Variants in STON2 observed in about 807,000 individuals in gnomAD.
STON2 encodes the protein stonin-2.
In STON2, 29 loss-of-function variants were observed where a neutral mutation model predicts 65.7. That is an observed-to-expected ratio of 0.44 (90% confidence interval 0.33 to 0.60). The LOEUF (loss-of-function observed/expected upper bound fraction) is 0.60. Among genes scored for constraint, STON2 ranks in the 20% least tolerant of loss-of-function variants. STON2 has a pLI of 0.03. For missense variants in STON2, 1,054 were observed against 1,118.1 expected (o/e 0.94, Z 0.82); for synonymous variants, 404 against 414.2 (o/e 0.98, Z 0.30).
At chr14:81,340,460 C>CTA (rs1255308920) in intron 4 of STON2, among the ~76,000 whole-genome samples, 1 of 152,162 alleles carries the variant, frequency 6.6e-6, no homozygotes, top group Non-Finnish European at 1.5e-5. Context: ...CACAATGGCT[C>CTA]TATAGATCTT....
intron 5 of STON2, among the ~76,000 whole-genome samples, chr14:81,315,491 C>T (rs1957548): frequency 0.79 from 119,793 of 152,214 alleles, 47,293 homozygotes; most frequent in African/African-American, 0.8. Flanking sequence ...GTCGCCTGCA[C>T]GCAGGCATTT....
intron 4 of STON2, among the ~76,000 whole-genome samples, chr14:81,335,009 T>G (rs957714014): frequency 1.2e-5 from 1 of 80,142 alleles, no homozygotes; most frequent in African/African-American, 4.4e-5. Flanking sequence ...GGCTAATTTT[T>G]TTTTTGTATT....
At position 81,277,006 on chromosome 14, in the gene STON2, A is replaced by G; in HGVS notation, c.2476T>C (p.Ser826Pro). 6.2e-7 allele frequency: 1 copy of G among 1,614,244 alleles called. No homozygotes were observed. Among genetic ancestry groups the G allele is most frequent in the Non-Finnish European group, 8.5e-7 (1 of 1,180,038 alleles). Residue 826 changes from serine (S) to proline (P), a missense_variant, in exon 6 of 8, where the codon TCT (serine) becomes CCT (proline). Physicochemically the swap from Ser to Pro is moderately conservative, Grantham distance 74. Coordinates refer to ENST00000614646, the MANE Select transcript of STON2 (RefSeq NM_001394390.1). ...RGASFGSTSV[S>P]GSEPVMRVTL... is the part of the protein sequence containing the mutation. ...ACTCTCATGACAGGCTCAGAGCCAG[A>G]AACACTAGTGGAGCCAAAACTTGCC...
chr14:81,277,195 A>T lies in STON2; in HGVS notation c.2287T>A (p.Trp763Arg), dbSNP rs777468681. Residue 763 changes from tryptophan (W) to arginine (R), a missense_variant, in exon 6 of 8, where the codon TGG becomes AGG. Coordinates refer to ENST00000614646, the MANE Select transcript of STON2 (RefSeq NM_001394390.1). ...GAGAAGCCAGTTGACATCCTCAGCC[A>T]GCTCTGCACCTCCACCTCTGCCCCA... Reference protein sequence around the residue: ...VNGAEVEVQSWLRMSTGFSAN... With the variant: ...VNGAEVEVQSRLRMSTGFSAN... The T allele has an allele frequency of 5.6e-6, 9 of 1,614,240 alleles. No individual in the cohort carries two copies. Among genetic ancestry groups the T allele is most frequent in the Middle Eastern group, 3.3e-4 (2 of 6,062 alleles).
chr14:81,328,292 G>T (rs766693441), intron 4 of STON2, among the ~76,000 whole-genome samples: 1 of 152,058 alleles, frequency 6.6e-6, no homozygotes, highest in Admixed American at 6.5e-5. Flanking sequence ...GTAAATAGAA[G>T]TCTATTAATT....
rs117179744 is a variant in STON2, at chr14:81,310,881, T to C, written c.742+13136A>G. On this transcript the variant is annotated intron_variant, in intron 5 of 7. Coordinates refer to ENST00000614646, the MANE Select transcript of STON2 (RefSeq NM_001394390.1). ...TTGACCTTTGACTTTTCATAGGTGTTTTCCTCTAAATGCAAAGGCCTTTGA... is the reference window on the plus strand; with the variant it reads ...TTGACCTTTGACTTTTCATAGGTGTCTTCCTCTAAATGCAAAGGCCTTTGA... 1.6e-3 allele frequency among the ~76,000 whole-genome samples: 242 copies of C among 152,302 alleles called. 11 individuals carry two copies. In the East Asian group the frequency reaches 0.038, roughly 24 times the overall value.
At chr14:81,279,657 C>G (rs1476561972) in intron 5 of STON2, among the ~76,000 whole-genome samples, 1 of 151,784 alleles carries the variant, frequency 6.6e-6, no homozygotes. Flanking sequence ...TGCCACTGCA[C>G]TCCAGCCTGG....
chr14:81,435,511 C>G (rs1372029574), intron 1 of STON2, among the ~76,000 whole-genome samples: 1 of 152,104 alleles, frequency 6.6e-6, no homozygotes, highest in African/African-American at 2.4e-5. Flanking sequence ...GAGGGAGGCA[C>G]AGAGAGTAAG....
At chr14:81,327,486 G>C (rs1436516074) in intron 4 of STON2, among the ~76,000 whole-genome samples, 1 of 152,136 alleles carries the variant, frequency 6.6e-6, no homozygotes, top group Non-Finnish European at 1.5e-5. Context: ...TTTTCGGACA[G>C]ACTAGCTAGT....
intron 5 of STON2, among the ~76,000 whole-genome samples, chr14:81,301,851 T>C (rs576864689): frequency 1.5e-4 from 23 of 152,126 alleles, no homozygotes; most frequent in Non-Finnish European, 2.9e-4. Flanking sequence ...CCAATATACA[T>C]CTCCTATTGT....
Position 81,268,220 on chromosome 14 carries a change from A to C in STON2, c.*194T>G. 8.7e-7 allele frequency: 1 copy of C among 1,153,410 alleles called. No individual in the cohort carries two copies. Among genetic ancestry groups the C allele is most frequent in the Non-Finnish European group, 1.1e-6 (1 of 925,142 alleles). 71.4% of individuals were successfully genotyped at this position (1,153,410 alleles called of 1,614,324 possible). On this transcript the variant is annotated 3_prime_UTR_variant, in exon 8 of 8. Transcript: ENST00000614646. ...ACCAGAATCAAAGAGCCTCTCCAAA[A>C]GCCACCATTCTCAGGGTTTCCTGGT... is the stretch of plus-strand genomic sequence containing the variant.
At chr14:81,424,358 C>T (rs925378303) in intron 2 of STON2, among the ~76,000 whole-genome samples, 1 of 152,034 alleles carries the variant, frequency 6.6e-6, no homozygotes, top group South Asian at 2.1e-4. Context: ...GCAAGAGAAT[C>T]GCTTGAACAC....
At chr14:81,390,202 A>G (rs1463798107) in intron 3 of STON2, among the ~76,000 whole-genome samples, 1 of 151,836 alleles carries the variant, frequency 6.6e-6, no homozygotes, top group Admixed American at 6.6e-5. Context: ...TCAAAAAAAA[A>G]AAAAAAGAAA....
At chr14:81,403,747 T>C (rs541821173), upstream of STON2, among the ~76,000 whole-genome samples, 6 of 152,330 alleles carry the variant, frequency 3.9e-5, no homozygotes, top group South Asian at 1.2e-3. Flanking sequence ...TTTCATACCC[T>C]TGAATAGACT....
Position 81,395,983 on chromosome 14 carries a change from A to G in STON2, c.284T>C (p.Leu95Pro). Reference protein sequence around the residue: ...PGSPEQPPPDLASAISNWVQF... With the variant: ...PGSPEQPPPDPASAISNWVQF... ...AACCCAGTTGCTGATGGCCGAGGCCAGGTCAGGTGGGGGCTGCTCAGGGCT... is the reference window on the plus strand; with the variant it reads ...AACCCAGTTGCTGATGGCCGAGGCCGGGTCAGGTGGGGGCTGCTCAGGGCT... Residue 95 changes from leucine to proline, a missense_variant, in exon 3 of 8, where the codon CTG (leucine) becomes CCG (proline). By Grantham distance (98) the Leu-to-Pro change is moderately conservative. Coordinates refer to ENST00000614646, the MANE Select transcript of STON2 (RefSeq NM_001394390.1). The G allele has an allele frequency of 1.9e-6, 3 of 1,614,200 alleles. No individual in the cohort carries two copies. Among genetic ancestry groups the G allele is most frequent in the Non-Finnish European group, 2.5e-6 (3 of 1,180,032 alleles).
At chr14:81,387,359 G>A (rs549178156) in intron 3 of STON2, among the ~76,000 whole-genome samples, 85 of 152,152 alleles carry the variant, frequency 5.6e-4, no homozygotes, top group Admixed American at 1.0e-3. Context: ...GACATTAAAG[G>A]TTCTAATAAA....
chr14:81,279,520 G>C (rs998822682), intron 5 of STON2, among the ~76,000 whole-genome samples: 6 of 151,962 alleles, frequency 3.9e-5, no homozygotes, highest in Non-Finnish European at 1.5e-5. Flanking sequence ...GAAACCCAAT[G>C]TCTACTAAAA....
intron 5 of STON2, among the ~76,000 whole-genome samples, chr14:81,321,718 AG>A (rs1239440440): frequency 1.3e-5 from 2 of 152,320 alleles, no homozygotes; most frequent in East Asian, 1.9e-4. Flanking sequence ...AAGAAACCCC[AG>A]GAAGTTCTAA....
chr14:81,345,983 T>C (rs1162643276), intron 4 of STON2, among the ~76,000 whole-genome samples: 1 of 152,178 alleles, frequency 6.6e-6, no homozygotes, highest in African/African-American at 2.4e-5. Flanking sequence ...TCCAGATGCA[T>C]CACAAAGTGG....
Sources: allele counts gnomAD v4.1 joint callset (sites outside exome capture counted in the v4.1 genomes callset), GRCh38; gene constraint gnomAD v4.1.1; transcripts MANE v1.5; gene names NCBI Gene and HGNC (gene_info 2026-07-23, HGNC 2026-07-21).